Variants in ZFHX3 observed in about 807,000 individuals in gnomAD.
ZFHX3 encodes the protein zinc finger homeobox 3.
In ZFHX3, 42 loss-of-function variants were observed where a neutral mutation model predicts 279.1. That is an observed-to-expected ratio of 0.15 (90% CI 0.12 to 0.19). The LOEUF (loss-of-function observed/expected upper bound fraction) is 0.19, where lower values mean the gene tolerates loss of function less well. Among genes scored for constraint, ZFHX3 ranks in the 10% least tolerant of loss-of-function variants. The pLI is 1.00. For synonymous variants in ZFHX3, 2,293 were observed against 1,957.8 expected, an observed-to-expected ratio of 1.17 and a Z score of -4.52; for missense variants, 4,981 against 4,754.0, an observed-to-expected ratio of 1.05 and a Z score of -1.40.
intron 7 of ZFHX3, among the ~76,000 whole-genome samples, chr16:73,121,036 G>T (rs536980846): frequency 2.0e-5 from 3 of 152,132 alleles, no homozygotes; most frequent in Admixed American, 6.5e-5. Flanking sequence ...CTAGCCATGC[G>T]TGGCTATGGA....
intron 7 of ZFHX3, chr16:72,805,988 T>G (rs2036252489): frequency 6.6e-6 from 1 of 152,262 alleles, no homozygotes; most frequent in East Asian, 1.9e-4. Context: ...CTGCTGGGCT[T>G]AAGTGATTCT....
At chr16:73,779,203 G>A (rs1244006065) in intron 1 of ZFHX3, among the ~76,000 whole-genome samples, 1 of 152,078 alleles carries the variant, frequency 6.6e-6, no homozygotes, top group Non-Finnish European at 1.5e-5. Flanking sequence ...GAATTCTGGG[G>A]GTGATTTTTT....
chr16:73,808,057 C>A (rs984145395), intron 1 of ZFHX3, among the ~76,000 whole-genome samples: 1 of 152,068 alleles, frequency 6.6e-6, no homozygotes, highest in African/African-American at 2.4e-5. Flanking sequence ...CACTCAGAAA[C>A]CCTAACTCTC....
In ZFHX3 at chr16:73,426,227, T is replaced by C. The variant is rs540715976; in HGVS notation, c.-1291+29776A>G. Among the ~76,000 whole-genome samples, 3 of 152,316 alleles carry C rather than the reference T, an allele frequency of 2.0e-5. 1 individual carries two copies. Among genetic ancestry groups the C allele is most frequent in the Middle Eastern group, 6.8e-3 (2 of 294 alleles). On this transcript the variant is annotated intron_variant, in intron 3 of 17. Coordinates refer to the ZFHX3 transcript ENST00000641206. ...GCCAATTAATCACTGGGAGGTGCTC[T>C]TTCTGCATTATATATGGCCAAAAGC... is the stretch of plus-strand genomic sequence containing the variant.
chr16:73,830,967 G>A (rs1960980326), intron 1 of ZFHX3, among the ~76,000 whole-genome samples: 1 of 152,172 alleles, frequency 6.6e-6, no homozygotes, highest in South Asian at 2.1e-4. Context: ...AATGGATTTA[G>A]GTACCTGGCA....
intron 1 of ZFHX3, among the ~76,000 whole-genome samples, chr16:73,889,952 CT>C (rs993772555): frequency 2.0e-5 from 3 of 152,080 alleles, no homozygotes; most frequent in African/African-American, 4.8e-5. Flanking sequence ...TTTGGATTTT[CT>C]TTTTCAATAA....
intron 3 of ZFHX3, among the ~76,000 whole-genome samples, chr16:73,358,008 G>A (rs1389793572): frequency 2.0e-5 from 3 of 152,194 alleles, no homozygotes; most frequent in South Asian, 2.1e-4. Context: ...TTGCTGCTCC[G>A]TGAATCAGCC....
intron 4 of ZFHX3, among the ~76,000 whole-genome samples, chr16:72,838,768 T>A (rs1451697159): frequency 6.6e-6 from 1 of 152,242 alleles, no homozygotes; most frequent in Non-Finnish European, 1.5e-5. Flanking sequence ...GTTCCATTTA[T>A]CTGTGTTCTT....
rs551919062 is a variant in ZFHX3 at position 73,643,108 on chromosome 16, C to T, written c.-1547+37072G>A. Among the ~76,000 whole-genome samples, 14 of 152,232 alleles carry T rather than the reference C, an allele frequency of 9.2e-5. No individual in the cohort carries two copies. In the East Asian group the frequency reaches 2.3e-3, roughly 25 times the overall value. On this transcript the variant is annotated intron_variant, in intron 2 of 17. Coordinates refer to the ZFHX3 transcript ENST00000641206. The stretch of plus-strand genomic sequence containing the variant: ...AAGAGATTTTGCTATCTGGAGGCTC[C>T]GTCAGCACCTTGTGCAAAAGAACTA...
At position 72,927,904 on chromosome 16, in the gene ZFHX3, TAG is replaced by T. The variant is rs577484372; in HGVS notation, c.3216+22563_3216+22564del. 1.7e-4 allele frequency among the ~76,000 whole-genome samples: 25 copies of T among 151,436 alleles called. 1 individual carries two copies. The South Asian group carries it at 5.2e-3, about 32-fold the overall frequency. Reference sequence around the variant, plus strand: ...AAAATGTCAACAGGCTGACAATTTATAGAGTCAATCCACGGAAGGTGGGGAGG... The same window carrying T: ...AAAATGTCAACAGGCTGACAATTTATAGTCAATCCACGGAAGGTGGGGAGG... On this transcript the variant is annotated intron_variant, in intron 3 of 9. Coordinates refer to ENST00000268489, the MANE Select transcript of ZFHX3 (RefSeq NM_006885.4).
chr16:72,960,253 A>G, intron 1 of ZFHX3, 59 bp from the exon 2 acceptor site: 1 of 1,374,012 alleles, frequency 7.3e-7, no homozygotes, highest in Non-Finnish European at 9.7e-7. Context: ...GAGAAAGGAA[A>G]GAGGTTAGGA....
intron 1 of ZFHX3, among the ~76,000 whole-genome samples, chr16:73,034,136 C>T (rs1964814001): frequency 6.6e-6 from 1 of 152,010 alleles, no homozygotes; most frequent in African/African-American, 2.4e-5. Context: ...GACTGCTTGC[C>T]TCCATTACAC....
At chr16:73,359,645 C>T (rs1359125334) in intron 3 of ZFHX3, among the ~76,000 whole-genome samples, 2 of 152,270 alleles carry the variant, frequency 1.3e-5, no homozygotes, top group Admixed American at 6.5e-5. Context: ...GAGAGGCCAG[C>T]CCTGCCGGAC....
At chr16:73,254,341 A>G (rs1465862471) in intron 5 of ZFHX3, among the ~76,000 whole-genome samples, 1 of 151,876 alleles carries the variant, frequency 6.6e-6, no homozygotes. Context: ...GATTCACTGT[A>G]AATTTCCTGC....
At position 73,410,372 on chromosome 16, in the gene ZFHX3, C is replaced by A. The variant is rs191730301; in HGVS notation, c.-1291+45631G>T. ...CAGAGGTTGCAGTGAGCCAAGATCG[C>A]ACCATTGCACTCCAGCCTGGGCAAC... On this transcript the variant is annotated intron_variant, in intron 3 of 17. Coordinates refer to the ZFHX3 transcript ENST00000641206. Among the ~76,000 whole-genome samples the A allele has an allele frequency of 4.6e-5, 7 of 152,226 alleles. No homozygotes were observed. In the East Asian group the frequency reaches 1.4e-3, roughly 29 times the overall value.
intron 1 of ZFHX3, among the ~76,000 whole-genome samples, chr16:73,766,375 A>G (rs2053943727): frequency 6.6e-6 from 1 of 152,136 alleles, no homozygotes; most frequent in Non-Finnish European, 1.5e-5. Context: ...GTGACTGCCT[A>G]TACATCTCTC....
chr16:73,036,997 G>A (rs1271705229), intron 1 of ZFHX3, among the ~76,000 whole-genome samples: 1 of 152,020 alleles, frequency 6.6e-6, no homozygotes, highest in African/African-American at 2.4e-5. Flanking sequence ...AAAATCAGAA[G>A]AACTGCCCAT....
chr16:73,261,515 T>C (rs963826060), intron 4 of ZFHX3, among the ~76,000 whole-genome samples: 2 of 152,092 alleles, frequency 1.3e-5, no homozygotes, highest in Non-Finnish European at 2.9e-5. Flanking sequence ...AAAATAAATA[T>C]AGCATTAATA....
At chr16:73,832,415 G>A (rs1056838182) in intron 1 of ZFHX3, among the ~76,000 whole-genome samples, 3 of 152,246 alleles carry the variant, frequency 2.0e-5, no homozygotes, top group Non-Finnish European at 2.9e-5. Flanking sequence ...ACAAAGACCC[G>A]TTCCTTAAGA....
Sources: allele counts gnomAD v4.1 joint callset (sites outside exome capture counted in the v4.1 genomes callset), GRCh38; gene constraint gnomAD v4.1.1; transcripts MANE v1.5; gene names NCBI Gene and HGNC (gene_info 2026-07-23, HGNC 2026-07-21).